Variants in CGNL1 observed in about 807,000 individuals in gnomAD.
The protein encoded by CGNL1 is cingulin-like protein 1.
Under a neutral mutation model 141.2 loss-of-function variants are expected in CGNL1, and 132 were observed. The observed-to-expected ratio is 0.93, with a 90% confidence interval of 0.81 to 1.08. CGNL1 has a LOEUF of 1.08. CGNL1 is among the 50% of genes least tolerant of loss of function. CGNL1 has a pLI of 0.00. For synonymous variants in CGNL1, 690 were observed against 622.1 expected (o/e 1.11, Z -1.63); for missense variants, 1,870 against 1,588.6 (o/e 1.18, Z -3.01).
chr15:57,471,186 G>A (rs1328871638), intron 8 of CGNL1, among the ~76,000 whole-genome samples: 3 of 152,206 alleles, frequency 2.0e-5, no homozygotes, highest in Admixed American at 6.5e-5. Flanking sequence ...TATTTCTGAG[G>A]AGAGCCTCTA....
chr15:57,442,710 C>G (rs915332596), intron 4 of CGNL1, among the ~76,000 whole-genome samples: 1 of 152,176 alleles, frequency 6.6e-6, no homozygotes, highest in Non-Finnish European at 1.5e-5. Flanking sequence ...CCTCTGCCTC[C>G]TGAGCTCAAG....
At chr15:57,521,757 G>A (rs755327204) in intron 10 of CGNL1, among the ~76,000 whole-genome samples, 6 of 152,038 alleles carry the variant, frequency 3.9e-5, no homozygotes, top group Non-Finnish European at 7.3e-5. Context: ...ATGCATGCAC[G>A]AACCACATGG....
At chr15:57,408,933 C>T (rs1413599186) in intron 1 of CGNL1, among the ~76,000 whole-genome samples, 2 of 151,942 alleles carry the variant, frequency 1.3e-5, no homozygotes, top group Non-Finnish European at 2.9e-5. Context: ...TCCAGCTACT[C>T]AGAAGGCTGA....
rs1261112371 is a variant in CGNL1 at position 57,439,454 on chromosome 15, C to T, written c.1455C>T (p.Pro485=). The T allele has an allele frequency of 7.4e-6, 12 of 1,614,198 alleles. No homozygotes were observed. In the East Asian group the frequency reaches 2.7e-4, roughly 36 times the overall value. Residue 485 remains proline, a synonymous_variant, in exon 2 of 19, where the codon CCC becomes CCT. Transcript: ENST00000281282. ...AGGAAAGTACAGTGATCCGTGCGCC[C>T]TCCCTTGGTGCACAGAGTAAAAAGG... ...GSQESTVIRA[P]SLGAQSKKEE...
At position 57,528,679 on chromosome 15, in the gene CGNL1, G is replaced by C. The variant is rs753695162; in HGVS notation, c.3065G>C (p.Arg1022Pro). The C allele has an allele frequency of 6.2e-7, 1 of 1,614,094 alleles. No individual in the cohort carries two copies. Among genetic ancestry groups the C allele is most frequent in the Admixed American group, 1.7e-5 (1 of 60,020 alleles). ...DEMRLMEEEL[R>P]DYQRAQDEAL... ...ATGCGTCTGATGGAGGAAGAGTTACGGGACTACCAGAGAGCTCAGGATGAA... is the reference window on the plus strand; with the variant it reads ...ATGCGTCTGATGGAGGAAGAGTTACCGGACTACCAGAGAGCTCAGGATGAA... The change falls in exon 13 of 19, where the codon CGG (arginine) becomes CCG (proline). Residue 1022 changes from arginine to proline, a missense_variant. By Grantham distance (103) the Arg-to-Pro change is moderately radical (BLOSUM62 -2). Transcript: ENST00000281282.
At chr15:57,429,960 A>G (rs1482453318) in intron 1 of CGNL1, among the ~76,000 whole-genome samples, 2 of 152,106 alleles carry the variant, frequency 1.3e-5, no homozygotes, top group Admixed American at 1.3e-4. Flanking sequence ...ACAGGTGCGC[A>G]CCACCACACT....
chr15:57,454,772 C>T (rs1429534725), intron 7 of CGNL1, among the ~76,000 whole-genome samples: 6 of 152,208 alleles, frequency 3.9e-5, no homozygotes, highest in African/African-American at 9.6e-5. Flanking sequence ...TCCTTAAAAA[C>T]CACCACATTC....
intron 8 of CGNL1, among the ~76,000 whole-genome samples, chr15:57,481,992 G>T (rs573207576): frequency 6.6e-6 from 1 of 152,070 alleles, no homozygotes; most frequent in African/African-American, 2.4e-5. Context: ...GTGGTTTTAC[G>T]CAGTTTTCTA....
At chr15:57,386,662 A>C (rs1231973252) in intron 1 of CGNL1, among the ~76,000 whole-genome samples, 4 of 152,106 alleles carry the variant, frequency 2.6e-5, no homozygotes, top group African/African-American at 9.7e-5. Context: ...ACCTCGTTGC[A>C]CCTCAGTTTC....
At position 57,445,651 on chromosome 15, in the gene CGNL1, A is replaced by C. The variant is rs1280403; in HGVS notation, c.1803+3173A>C. Reference sequence around the variant, plus strand: ...AAGTTGTGTGTTTGTGTTTCTAATCATCTTCACAGGAGTAGGTAGGGAAGT... The same window carrying C: ...AAGTTGTGTGTTTGTGTTTCTAATCCTCTTCACAGGAGTAGGTAGGGAAGT... On this transcript the variant is annotated intron_variant, in intron 4 of 18. Coordinates refer to ENST00000281282, the MANE Select transcript of CGNL1 (RefSeq NM_032866.5). 4.7e-3 allele frequency among the ~76,000 whole-genome samples: 720 copies of C among 152,324 alleles called. 7 individuals are homozygous for C. The highest frequency in any genetic ancestry group is 0.017 in the African/African-American group (689 of 41,566).
In CGNL1 at chr15:57,454,383, G is replaced by A. The variant is rs545328291; in HGVS notation, c.2190+565G>A. 4.6e-5 allele frequency among the ~76,000 whole-genome samples: 7 copies of A among 152,272 alleles called. No homozygotes were observed. The South Asian group carries it at 1.5e-3, about 32-fold the overall frequency. ...TCTACTTCCTCCCTCTTTGGGCTTA[G>A]GTGTTTTCTCTCTCCCTTACTTGGG... On this transcript the variant is annotated intron_variant, in intron 7 of 18. Transcript: ENST00000281282.
At chr15:57,460,321 A>G (rs1246356771) in intron 7 of CGNL1, among the ~76,000 whole-genome samples, 1 of 152,236 alleles carries the variant, frequency 6.6e-6, no homozygotes, top group Non-Finnish European at 1.5e-5. Flanking sequence ...ATCATATAGC[A>G]AGAGATTAAG....
At position 57,401,784 on chromosome 15, in the gene CGNL1, C is replaced by T. The variant is rs990892137; in HGVS notation, c.-16+25217C>T. Among the ~76,000 whole-genome samples the T allele has an allele frequency of 2.6e-5, 4 of 152,160 alleles. No individual in the cohort carries two copies. In the South Asian group the frequency reaches 8.3e-4, roughly 32 times the overall value. On this transcript the variant is annotated intron_variant, in intron 1 of 18. Transcript: ENST00000281282. ...GCAGTCTTTATATTCTCCTCTTCTT[C>T]AGTAACCAAAAACTTGATTTTTTTG...
At chr15:57,479,589 A>G (rs745376010) in intron 8 of CGNL1, among the ~76,000 whole-genome samples, 6 of 152,172 alleles carry the variant, frequency 3.9e-5, no homozygotes, top group Non-Finnish European at 7.3e-5. Context: ...GCTTAAACGC[A>G]GTAGGTGGAG....
rs188340489 is a variant in CGNL1 at position 57,475,004 on chromosome 15, G to A, written c.2403+13112G>A. Among the ~76,000 whole-genome samples the A allele has an allele frequency of 7.2e-5, 11 of 152,282 alleles. 1 individual carries two copies. Among genetic ancestry groups the A allele is most frequent in the Admixed American group, 4.6e-4 (7 of 15,302 alleles). ...GCCTTGACCTTGACCTTCACCTTCT[G>A]TCTGCTACCCAGGTCTGTGGCTTCC... On this transcript the variant is annotated intron_variant, in intron 8 of 18. Transcript: ENST00000281282.
chr15:57,448,251 A>G (rs2063280846), intron 4 of CGNL1, among the ~76,000 whole-genome samples: 1 of 152,058 alleles, frequency 6.6e-6, no homozygotes, highest in Non-Finnish European at 1.5e-5. Flanking sequence ...TTGAGATTAC[A>G]GTGAGCTGTG....
intron 1 of CGNL1, among the ~76,000 whole-genome samples, chr15:57,402,293 CCT>C: frequency 6.6e-6 from 1 of 152,210 alleles, no homozygotes; most frequent in Non-Finnish European, 1.5e-5. Context: ...ATGTGGCATG[CCT>C]ACTCCATCTT....
chr15:57,416,136 A>C (rs2062845903), intron 1 of CGNL1, among the ~76,000 whole-genome samples: 1 of 150,970 alleles, frequency 6.6e-6, no homozygotes, highest in Non-Finnish European at 1.5e-5. Flanking sequence ...CACATTGCTG[A>C]TCCCTTTTAG....
At position 57,467,234 on chromosome 15, in the gene CGNL1, C is replaced by A. The variant is rs531439048; in HGVS notation, c.2403+5342C>A. ...GCTGATTATAGACAAGAGTAAATGA[C>A]CCAGGTGAAGTGGAGATAAAATCAT... On this transcript the variant is annotated intron_variant, in intron 8 of 18. Coordinates refer to ENST00000281282, the MANE Select transcript of CGNL1 (RefSeq NM_032866.5). Among the ~76,000 whole-genome samples the A allele has an allele frequency of 7.2e-5, 11 of 152,168 alleles. No homozygotes were observed. In the South Asian group the frequency reaches 2.3e-3, roughly 32 times the overall value.
Sources: allele counts gnomAD v4.1 joint callset (sites outside exome capture counted in the v4.1 genomes callset), GRCh38; gene constraint gnomAD v4.1.1; transcripts MANE v1.5; gene names NCBI Gene and HGNC (gene_info 2026-07-23, HGNC 2026-07-21).